GCN1: variants seen among roughly 807,000 people sequenced by gnomAD.
The protein encoded by GCN1 is stalled ribosome sensor GCN1.
Under a neutral mutation model 288.4 loss-of-function variants are expected in GCN1, and 90 were observed. The observed-to-expected ratio is 0.31, with a 90% CI of 0.26 to 0.37. The LOEUF (loss-of-function observed/expected upper bound fraction) is 0.37. GCN1 is among the 10% of genes least tolerant of loss of function. The pLI is 1.00. For missense variants in GCN1, 2,586 were observed against 3,419.9 expected (o/e 0.76, Z 6.08); for synonymous variants, 1,386 against 1,420.2 (o/e 0.98, Z 0.54).
rs1202836324 is a variant in GCN1, at chr12:120,156,728, T to C, written c.3169-124A>G. The stretch of plus-strand genomic sequence containing the variant: ...GCAAGGGCTAAGACCCCAGCTCCAG[T>C]GGCAGGACCCAAGCAAAACCCCTCA... On this transcript the variant is annotated intron_variant, in intron 27 of 57. Transcript: ENST00000300648. The surrounding 1 kb of genome is among the most constrained non-coding windows in gnomAD (Gnocchi z 5.8). 9.5e-7 allele frequency: 1 copy of C among 1,049,482 alleles called. No homozygotes were observed. The highest frequency in any genetic ancestry group is 1.4e-6 in the Non-Finnish European group (1 of 702,164). The allele number at this position is 1,049,482 out of a possible 1,614,324, so 65.0% of individuals were successfully genotyped here. A position where few individuals can be genotyped will look rare whatever the true frequency, so the allele number is the denominator to read the frequency against.
Position 120,155,175 on chromosome 12 carries a change from G to A in GCN1, c.3630+66C>T, listed in dbSNP as rs1385721715. 18 of 1,532,986 alleles carry A rather than the reference G, an allele frequency of 1.2e-5. No homozygotes were observed. The highest frequency in any genetic ancestry group is 3.4e-5 in the South Asian group (3 of 89,202). 95.0% of individuals were successfully genotyped at this position (1,532,986 alleles called of 1,614,324 possible). A position where few individuals can be genotyped will look rare whatever the true frequency, so the allele number is the denominator to read the frequency against. On this transcript the variant is annotated intron_variant, in intron 30 of 57. Transcript: ENST00000300648. The surrounding 1 kb of genome is among the most constrained non-coding windows in gnomAD (Gnocchi z 4.9). The stretch of plus-strand genomic sequence containing the variant: ...CGAGATTCCTGTCTGGAGCAGTAGC[G>A]GGGTGAGCAGAGACCCACCCAACCG...
rs930521367 is a variant in GCN1, at chr12:120,153,423, C to T, written c.3868-16G>A. 3 of 1,610,632 alleles carry T rather than the reference C, an allele frequency of 1.9e-6. No individual in the cohort carries two copies. The highest frequency in any genetic ancestry group is 2.5e-6 in the Non-Finnish European group (3 of 1,177,908). The stretch of plus-strand genomic sequence containing the variant: ...TGACGTTCTCCTGGAAAGCCAAACC[C>T]CTCAGAGCCTCAGGTCAACCCTACA... On this transcript the variant is annotated splice_polypyrimidine_tract_variant and intron_variant, in intron 32 of 57. Coordinates refer to ENST00000300648, the MANE Select transcript of GCN1 (RefSeq NM_006836.2). The surrounding 1 kb of genome is among the most constrained non-coding windows in gnomAD (Gnocchi z 4.4).
At chr12:120,150,771 A>C (rs1396414570) in intron 34 of GCN1, among the ~76,000 whole-genome samples, 1 of 151,628 alleles carries the variant, frequency 6.6e-6, no homozygotes, top group Non-Finnish European at 1.5e-5. Flanking sequence ...CCCCGCCTCT[A>C]CTAAAAATAC....
At chr12:120,179,093 G>C (rs186575063) in intron 5 of GCN1, 143 bp from the exon 6 acceptor site, 1 of 660,892 alleles carries the variant, frequency 1.5e-6, no homozygotes, top group African/African-American at 1.8e-5. Flanking sequence ...ACTCCAGCCA[G>C]CTCCTCTTCC....
At chr12:120,190,266 T>C in intron 2 of GCN1, 32 bp downstream of exon 2, 1 of 1,025,050 alleles carries the variant, frequency 9.8e-7, no homozygotes. Flanking sequence ...ACAATGAATA[T>C]TGTCCAGGGT....
At position 120,130,705 on chromosome 12, in the gene GCN1, G is replaced by A. The variant is rs754686456; in HGVS notation, c.7612C>T (p.His2538Tyr). Residue 2538 changes from histidine to tyrosine, a missense_variant, in exon 56 of 58, where the codon CAC becomes TAC. Physicochemically the swap from His to Tyr is moderately conservative, Grantham distance 83. Transcript: ENST00000300648. ...GVRGMGFLMR[H>Y]HIETGGGQLP... The stretch of plus-strand genomic sequence containing the variant: ...TGCCCTCCGCCTGTCTCGATGTGGT[G>A]TCTCATGAGAAAGCCCATGCCCCGG... 5.0e-6 allele frequency: 8 copies of A among 1,613,888 alleles called. No homozygotes were observed. In the South Asian group the frequency reaches 7.7e-5, roughly 16 times the overall value.
At chr12:120,143,077 G>C (rs988541649) in intron 42 of GCN1, 136 bp from the exon 43 acceptor site, 1 of 570,118 alleles carries the variant, frequency 1.8e-6, no homozygotes, top group Non-Finnish European at 3.1e-6. Context: ...GAGTCAGGTG[G>C]TTTACATTTC....
At chr12:120,185,959 A>G (rs540523686) in intron 2 of GCN1, among the ~76,000 whole-genome samples, 29 of 152,302 alleles carry the variant, frequency 1.9e-4, no homozygotes, top group African/African-American at 6.7e-4. Flanking sequence ...AGTCAGAGTG[A>G]AACAGATACA....
chr12:120,184,543 T>TA (rs1312035499), intron 3 of GCN1, among the ~76,000 whole-genome samples: 1 of 152,178 alleles, frequency 6.6e-6, no homozygotes, highest in Non-Finnish European at 1.5e-5. Context: ...AATGGCAGCA[T>TA]AAACACATTG....
intron 45 of GCN1, 127 bp downstream of exon 45, chr12:120,140,732 G>A (rs1239132472): frequency 2.4e-6 from 2 of 832,338 alleles, no homozygotes; most frequent in African/African-American, 3.4e-5. Flanking sequence ...TCCCCAGAGT[G>A]AGACTGGCTC....
chr12:120,139,689 TA>T (rs1224618481), intron 45 of GCN1, among the ~76,000 whole-genome samples: 4 of 152,204 alleles, frequency 2.6e-5, no homozygotes, highest in East Asian at 3.9e-4. Context: ...TGAGACTTAA[TA>T]ATCAACAGCT....
chr12:120,155,570 A>G lies in GCN1; in HGVS notation c.3440+22T>C. 6.2e-7 allele frequency: 1 copy of G among 1,613,848 alleles called. No homozygotes were observed. The highest frequency in any genetic ancestry group is 1.1e-5 in the South Asian group (1 of 91,074). On this transcript the variant is annotated intron_variant, in intron 29 of 57. Transcript: ENST00000300648. This position sits in a 1 kb window ranked among gnomAD's most constrained non-coding sequence, Gnocchi z 4.9. ...AGGAAGAGAGGATGCAGCAGGAGAAAGCGACATGCTGGCTCTCTCACCTCT... is the reference window on the plus strand; with the variant it reads ...AGGAAGAGAGGATGCAGCAGGAGAAGGCGACATGCTGGCTCTCTCACCTCT...
At chr12:120,154,274 G>A (rs956170009) in intron 31 of GCN1, among the ~76,000 whole-genome samples, 1 of 152,212 alleles carries the variant, frequency 6.6e-6, no homozygotes, top group African/African-American at 2.4e-5. Flanking sequence ...CATTCTCCAA[G>A]GGCAAAGTGT....
chr12:120,160,306 C>A (rs770608386), intron 22 of GCN1, 51 bp from the exon 23 acceptor site: 12 of 1,259,906 alleles, frequency 9.5e-6, no homozygotes, highest in African/African-American at 2.9e-5. Context: ...AACAGACCTC[C>A]CTCCCCAACA....
chr12:120,193,104 G>A (rs1427886151), intron 1 of GCN1, among the ~76,000 whole-genome samples: 2 of 152,150 alleles, frequency 1.3e-5, no homozygotes, highest in Non-Finnish European at 2.9e-5. Context: ...TGTAATCCCA[G>A]CACTTTGGGA....
chr12:120,152,640 C>A (rs999344058), intron 33 of GCN1, among the ~76,000 whole-genome samples: 11 of 126,022 alleles, frequency 8.7e-5, no homozygotes, highest in African/African-American at 3.1e-4. Flanking sequence ...CACACGCGCA[C>A]ACACACACAC....
In GCN1 at chr12:120,148,316, T is replaced by A. The variant is rs200874784; in HGVS notation, c.4577A>T (p.Tyr1526Phe). 3.3e-4 allele frequency: 533 copies of A among 1,613,942 alleles called. 7 individuals carry two copies. The South Asian group carries it at 5.6e-3, about 17-fold the overall frequency. ...GGATGACAGCTGCTTAGGAGCACAG[T>A]ACGCCATTGCCCCAAGAAGCTCCAC... ...GSVELLGAMA[Y>F]CAPKQLSSCL... The change falls in exon 37 of 58, where the codon TAC (tyrosine) becomes TTC (phenylalanine). Residue 1526 changes from tyrosine (Y) to phenylalanine (F), a missense_variant. Physicochemically the swap from Tyr to Phe is conservative, Grantham distance 22 (BLOSUM62 3). Around this residue, in one of 8 missense-constraint regions of GCN1, gnomAD observed 371 missense variants for 572.6 expected, o/e 0.65. Transcript: ENST00000300648.
chr12:120,138,962 ACT>A lies in GCN1; in HGVS notation c.5995-108_5995-107del, dbSNP rs1186620271. The stretch of plus-strand genomic sequence containing the variant: ...ACTCTGACCCAGCTAGGCCACCCTA[ACT>A]CTCTTTGCCTGACTTGTCTTTTAAC... On this transcript the variant is annotated intron_variant, in intron 45 of 57. Transcript: ENST00000300648. 3.4e-6 allele frequency: 3 copies of A among 891,282 alleles called. No individual in the cohort carries two copies. The African/African-American group carries it at 5.0e-5, about 15-fold the overall frequency. 55.2% of individuals were successfully genotyped at this position (891,282 alleles called of 1,614,324 possible). A position where few individuals can be genotyped will look rare whatever the true frequency, so the allele number is the denominator to read the frequency against.
intron 57 of GCN1, among the ~76,000 whole-genome samples, chr12:120,128,669 G>A (rs1294954756): frequency 1.3e-5 from 2 of 151,952 alleles, no homozygotes; most frequent in Non-Finnish European, 2.9e-5. Context: ...CTGGGGGCTG[G>A]GGACTGAGTG....
Sources: allele counts gnomAD v4.1 joint callset (sites outside exome capture counted in the v4.1 genomes callset), GRCh38; gene constraint gnomAD v4.1.1; regional missense constraint gnomAD v4.1.1; non-coding constraint Gnocchi (gnomAD v3.1); transcripts MANE v1.5; gene names NCBI Gene and HGNC (gene_info 2026-07-23, HGNC 2026-07-21).